SLC16A14: variants seen among roughly 807,000 people sequenced by gnomAD.
SLC16A14 encodes the protein solute carrier family 16 member 14, also known as monocarboxylate transporter 14.
In SLC16A14, 14 loss-of-function variants were observed where a neutral mutation model predicts 35.8. The observed-to-expected ratio is 0.39, with a 90% CI of 0.26 to 0.61. SLC16A14 has a LOEUF of 0.61. SLC16A14 is among the 20% of genes least tolerant of loss of function. The probability of loss-of-function intolerance (pLI) is 0.51; values close to 1 mark genes in which losing one functional copy is unlikely to be tolerated. For missense variants in SLC16A14, 533 were observed against 655.0 expected, an observed-to-expected ratio of 0.81 and a Z score of 2.03; for synonymous variants, 248 against 258.9, an observed-to-expected ratio of 0.96 and a Z score of 0.40.
chr2:230,053,147 T>G (rs1269326460), intron 2 of SLC16A14, among the ~76,000 whole-genome samples: 1 of 152,136 alleles, frequency 6.6e-6, no homozygotes, highest in Admixed American at 6.5e-5. Flanking sequence ...TTCACCATGT[T>G]GGCTAGGCTG....
chr2:230,067,792 C>A (rs1047143208), intron 1 of SLC16A14, among the ~76,000 whole-genome samples: 11 of 152,224 alleles, frequency 7.2e-5, no homozygotes, highest in African/African-American at 2.7e-4. Context: ...AAATGGCCGT[C>A]CCCGGTCTCT....
At position 230,059,681 on chromosome 2, in the gene SLC16A14, C is replaced by T. The variant is rs550259676; in HGVS notation, c.-14-315G>A. On this transcript the variant is annotated intron_variant, in intron 1 of 4. Coordinates refer to ENST00000295190, the MANE Select transcript of SLC16A14 (RefSeq NM_152527.5). Reference sequence around the variant, plus strand: ...GGTCAATTGGGAAACTAGGATTTGACCCCAGTTAGTCCTGACTCCAAAGCC... The same window carrying T: ...GGTCAATTGGGAAACTAGGATTTGATCCCAGTTAGTCCTGACTCCAAAGCC... Among the ~76,000 whole-genome samples the T allele has an allele frequency of 7.2e-5, 11 of 152,294 alleles. No individual in the cohort carries two copies. The South Asian group carries it at 1.2e-3, about 17-fold the overall frequency.
At chr2:230,061,699 T>G (rs1401621368) in intron 1 of SLC16A14, among the ~76,000 whole-genome samples, 1 of 152,192 alleles carries the variant, frequency 6.6e-6, no homozygotes, top group Non-Finnish European at 1.5e-5. Context: ...GAAAGTGACA[T>G]TTTAAATTAA....
Position 230,038,946 on chromosome 2 carries a change from A to C in SLC16A14, c.1382-1415T>G, listed in dbSNP as rs1326195422. On this transcript the variant is annotated intron_variant, in intron 4 of 4. Coordinates refer to ENST00000295190, the MANE Select transcript of SLC16A14 (RefSeq NM_152527.5). The surrounding 1 kb of genome is among the most constrained non-coding windows in gnomAD (Gnocchi z 4.4). ...AATAAAAAAATAAGATTTTATGATC[A>C]AACATAGTATTCCGTGGCCACTTTT... 6.6e-6 allele frequency among the ~76,000 whole-genome samples: 1 copy of C among 152,092 alleles called. No individual in the cohort carries two copies. Among genetic ancestry groups the C allele is most frequent in the Admixed American group, 6.6e-5 (1 of 15,256 alleles).
intron 1 of SLC16A14, among the ~76,000 whole-genome samples, chr2:230,062,932 T>TTCCCTC (rs1032885943): frequency 1.3e-5 from 2 of 152,232 alleles, no homozygotes; most frequent in Non-Finnish European, 2.9e-5. Flanking sequence ...TCCTTCCTCC[T>TTCCCTC]TCACACATCT....
At chr2:230,050,716 G>A (rs1329817774) in intron 2 of SLC16A14, among the ~76,000 whole-genome samples, 1 of 152,154 alleles carries the variant, frequency 6.6e-6, no homozygotes, top group Non-Finnish European at 1.5e-5. Flanking sequence ...TTTTACATAG[G>A]TATCTATATA....
At chr2:230,039,220 ATCTTT>A (rs931386535) in intron 4 of SLC16A14, among the ~76,000 whole-genome samples, 4 of 151,978 alleles carry the variant, frequency 2.6e-5, no homozygotes, top group Non-Finnish European at 5.9e-5. Context: ...CAAATTTATA[ATCTTT>A]TCTTTAAAAA....
intron 2 of SLC16A14, 119 bp from the exon 3 acceptor site, chr2:230,050,023 A>T: frequency 8.4e-7 from 1 of 1,189,178 alleles, no homozygotes; most frequent in African/African-American, 1.5e-5. Context: ...TGACACAAAA[A>T]GCCCCCATTG....
At chr2:230,066,447 C>G (rs906541151) in intron 1 of SLC16A14, among the ~76,000 whole-genome samples, 18 of 151,966 alleles carry the variant, frequency 1.2e-4, no homozygotes, top group Non-Finnish European at 1.2e-4. Flanking sequence ...CCATTCTCCC[C>G]AAATGAGTTC....
In SLC16A14 at chr2:230,045,964, C is replaced by A. The variant is rs201374169; in HGVS notation, c.1162G>T (p.Ala388Ser). The A allele has an allele frequency of 8.7e-6, 14 of 1,613,000 alleles. No homozygotes were observed. Among genetic ancestry groups the A allele is most frequent in the Non-Finnish European group, 1.2e-5 (14 of 1,179,146 alleles). ...CISVWNVFLLANFTLVLSIFI... is the reference protein window; with the variant it reads ...CISVWNVFLLSNFTLVLSIFI... ...ATACTGAGGACAAGGGTGAAGTTGG[C>A]CAACAGGAAGACATTCCAAACACTA... The change falls in exon 4 of 5, where the codon GCC (alanine) becomes TCC (serine). Residue 388 changes from alanine to serine, a missense_variant. Physicochemically the swap from Ala to Ser is moderately conservative, Grantham distance 99 (BLOSUM62 1). Coordinates refer to ENST00000295190, the MANE Select transcript of SLC16A14 (RefSeq NM_152527.5).
At chr2:230,060,644 G>A (rs1047618714) in intron 1 of SLC16A14, among the ~76,000 whole-genome samples, 11 of 152,058 alleles carry the variant, frequency 7.2e-5, no homozygotes, top group African/African-American at 2.7e-4. Context: ...TTACAGGTGT[G>A]AGCCACTGTG....
chr2:230,048,910 T>C (rs1182282255), intron 3 of SLC16A14, among the ~76,000 whole-genome samples: 1 of 66,294 alleles, frequency 1.5e-5, no homozygotes, highest in Non-Finnish European at 2.5e-5. Context: ...GCAACAAGAG[T>C]GAAACTCCAT....
chr2:230,058,942 A>T, intron 2 of SLC16A14, 152 bp downstream of exon 2: 1 of 1,394,336 alleles, frequency 7.2e-7, no homozygotes, highest in Non-Finnish European at 9.4e-7. Context: ...CTAAAATGGT[A>T]AATTTTATGT....
intron 2 of SLC16A14, among the ~76,000 whole-genome samples, chr2:230,053,004 C>A (rs1012527136): frequency 2.6e-5 from 4 of 151,878 alleles, no homozygotes; most frequent in African/African-American, 7.3e-5. Flanking sequence ...TGCAGTGGTG[C>A]CATCTCGGCT....
intron 2 of SLC16A14, among the ~76,000 whole-genome samples, chr2:230,051,397 G>A (rs1473071165): frequency 6.6e-6 from 1 of 152,192 alleles, no homozygotes; most frequent in Non-Finnish European, 1.5e-5. Context: ...CTAGGCTCAA[G>A]GGATCTGTCT....
At chr2:230,054,504 T>C (rs1482360933) in intron 2 of SLC16A14, among the ~76,000 whole-genome samples, 2 of 152,224 alleles carry the variant, frequency 1.3e-5, no homozygotes, top group African/African-American at 2.4e-5. Context: ...ACCTTTTCTC[T>C]TGCAACACGT....
At chr2:230,052,990 G>A (rs2077674955) in intron 2 of SLC16A14, among the ~76,000 whole-genome samples, 1 of 151,558 alleles carries the variant, frequency 6.6e-6, no homozygotes, top group Non-Finnish European at 1.5e-5. Flanking sequence ...TGCCCAGGCT[G>A]GAGTGCAGTG....
Position 230,036,281 on chromosome 2 carries a change from C to A in SLC16A14, c.*1099G>T, listed in dbSNP as rs926252019. The stretch of plus-strand genomic sequence containing the variant: ...TTCTGTATGAAATCAATCAAGAGAA[C>A]TATTTTTAAAACTGTGCCACGCTCA... On this transcript the variant is annotated 3_prime_UTR_variant, in exon 5 of 5. Coordinates refer to ENST00000295190, the MANE Select transcript of SLC16A14 (RefSeq NM_152527.5). 3 of 152,420 alleles carry A rather than the reference C, an allele frequency of 2.0e-5. No individual in the cohort carries two copies. Among genetic ancestry groups the A allele is most frequent in the Non-Finnish European group, 2.9e-5 (2 of 68,016 alleles). 9.4% of individuals were successfully genotyped at this position (152,420 alleles called of 1,614,324 possible).
At chr2:230,051,149 A>AGTTTT (rs1436574272) in intron 2 of SLC16A14, among the ~76,000 whole-genome samples, 2 of 151,936 alleles carry the variant, frequency 1.3e-5, no homozygotes, top group Admixed American at 1.3e-4. Flanking sequence ...CTGACTTTCT[A>AGTTTT]GTTTTGTTTT....
Sources: gnomAD v4.1 joint callset for allele counts (sites outside exome capture counted in the v4.1 genomes callset) on GRCh38, gnomAD v4.1.1 for gene constraint, Gnocchi (gnomAD v3.1) non-coding constraint, MANE v1.5 for transcripts, NCBI Gene and HGNC (gene_info 2026-07-23, HGNC 2026-07-21) for gene names.